SMG5: variants seen among roughly 807,000 people sequenced by gnomAD.
SMG5 encodes nonsense-mediated mRNA decay factor SMG5.
A neutral mutation model predicts 122.9 loss-of-function variants in SMG5; 53 were observed. That is an observed-to-expected ratio of 0.43 (90% CI 0.35 to 0.54). The LOEUF (loss-of-function observed/expected upper bound fraction) is 0.54. Among genes scored for constraint, SMG5 ranks in the 20% least tolerant of loss-of-function variants. The probability of loss-of-function intolerance (pLI) is 0.01; values close to 1 mark genes in which losing one functional copy is unlikely to be tolerated. For missense variants in SMG5, 1,153 were observed against 1,285.6 expected (o/e 0.90, Z 1.58); for synonymous variants, 477 against 490.2 (o/e 0.97, Z 0.35).
intron 16 of SMG5, among the ~76,000 whole-genome samples, chr1:156,255,065 T>G (rs1156406120): frequency 6.6e-6 from 1 of 151,464 alleles, no homozygotes; most frequent in Admixed American, 6.6e-5. Context: ...TACTACAGCC[T>G]GGGTGACAGA....
rs543669678 is a variant in SMG5 at position 156,250,988 on chromosome 1, T to C, written c.2837A>G (p.Tyr946Cys). The change falls in exon 21 of 22, where the codon TAT becomes TGT. Residue 946 changes from tyrosine to cysteine, a missense_variant. Tyr to Cys is a radical substitution (Grantham distance 194, BLOSUM62 -2). Around this residue, in one of 5 missense-constraint regions of SMG5, gnomAD observed 140 missense variants for 227.8 expected, o/e 0.61. Coordinates refer to ENST00000361813, the MANE Select transcript of SMG5 (RefSeq NM_015327.3). The part of the protein sequence containing the change: ...KRQDADAWTL[Y>C]KILDSCKQLT... ...CTGTTTGCAGCTGTCTAGGATCTTA[T>C]AGAGAGTCCTGGGGATGGGGGGCAG... 6.4e-5 allele frequency: 104 copies of C among 1,613,768 alleles called. 1 individual carries two copies. The South Asian group carries it at 8.2e-4, about 13-fold the overall frequency.
upstream of SMG5, chr1:156,285,678 C>T (rs202205822): frequency 5.6e-5 from 90 of 1,613,666 alleles, no homozygotes; most frequent in Middle Eastern, 8.2e-4. Context: ...CGCTGTGAGG[C>T]AGGCGAGGGC....
chr1:156,281,352 T>C (rs966177384), intron 1 of SMG5, among the ~76,000 whole-genome samples: 1 of 152,170 alleles, frequency 6.6e-6, no homozygotes, highest in Non-Finnish European at 1.5e-5. Context: ...ACAAGGAATA[T>C]TGCAGACACT....
At chr1:156,252,156 G>A (rs1298663722) in intron 19 of SMG5, among the ~76,000 whole-genome samples, 1 of 152,206 alleles carries the variant, frequency 6.6e-6, no homozygotes, top group East Asian at 1.9e-4. Context: ...CTGATCACAG[G>A]CTTGCCCCAG....
the SMG5 span, among the ~76,000 whole-genome samples, chr1:156,289,844 T>C: frequency 6.6e-6 from 1 of 152,224 alleles, no homozygotes; most frequent in Non-Finnish European, 1.5e-5. Flanking sequence ...GTATTGAACA[T>C]ATCTTCCACG....
chr1:156,290,764 G>C, the SMG5 span: 1 of 151,594 alleles, frequency 6.6e-6, no homozygotes, highest in Admixed American at 6.6e-5. Context: ...GGGAGGCGGA[G>C]GTTGCAGTGA....
chr1:156,259,078 A>C lies in SMG5; in HGVS notation c.2369T>G (p.Val790Gly). 1.2e-6 allele frequency: 2 copies of C among 1,612,572 alleles called. No homozygotes were observed. Among genetic ancestry groups the C allele is most frequent in the Non-Finnish European group, 1.7e-6 (2 of 1,179,440 alleles). The change falls in exon 16 of 22, where the codon GTT (valine) becomes GGT (glycine). Residue 790 changes from valine (V) to glycine (G), a missense_variant. Val to Gly is a moderately radical substitution (Grantham distance 109). Transcript: ENST00000361813. ...CTGGGCAATGCTGACGAAGATGCCA[A>C]CCTCTGGGTTGAACTGCAGGATGCT... is the stretch of plus-strand genomic sequence containing the variant. ...QGSILQFNPEVGIFVSIAQSE... is the reference protein window; with the variant it reads ...QGSILQFNPEGGIFVSIAQSE...
Position 156,260,518 on chromosome 1 carries a change from G to C in SMG5, c.2216C>G (p.Pro739Arg), listed in dbSNP as rs143050262. The change falls in exon 15 of 22, where the codon CCG (proline) becomes CGG (arginine). Residue 739 changes from proline (P) to arginine (R), a missense_variant. Pro to Arg is a moderately radical substitution (Grantham distance 103, BLOSUM62 -2). This residue lies in a region of SMG5 where 631 missense variants were observed against 650.6 expected (regional missense o/e 0.97). Coordinates refer to ENST00000361813, the MANE Select transcript of SMG5 (RefSeq NM_015327.3). ...PEDMALRNLP[P>R]LRAAHRRFNF... ...AAAGCGTCTGTGGGCAGCTCGGAGCGGGGGCAGGTTACGAAGAGCCATGTC... is the reference window on the plus strand; with the variant it reads ...AAAGCGTCTGTGGGCAGCTCGGAGCCGGGGCAGGTTACGAAGAGCCATGTC... 11 of 1,587,962 alleles carry C rather than the reference G, an allele frequency of 6.9e-6. No homozygotes were observed. Among genetic ancestry groups the C allele is most frequent in the African/African-American group, 1.4e-5 (1 of 72,748 alleles).
intron 16 of SMG5, among the ~76,000 whole-genome samples, chr1:156,255,335 T>C (rs1416263441): frequency 6.7e-6 from 1 of 149,476 alleles, no homozygotes; most frequent in African/African-American, 2.5e-5. Flanking sequence ...GGTCAGGAGT[T>C]CGAGACCAGC....
At chr1:156,257,959 G>A (rs541831348) in intron 16 of SMG5, among the ~76,000 whole-genome samples, 3 of 152,220 alleles carry the variant, frequency 2.0e-5, no homozygotes, top group Non-Finnish European at 2.9e-5. Flanking sequence ...GCCCAAGGCT[G>A]TGCAGGCCCC....
upstream of SMG5, chr1:156,285,912 T>G: frequency 6.2e-7 from 1 of 1,605,280 alleles, no homozygotes; most frequent in Non-Finnish European, 8.5e-7. Context: ...GTCCCACGGC[T>G]GCCCACCATG....
the SMG5 span, among the ~76,000 whole-genome samples, chr1:156,288,330 C>CT: frequency 6.7e-6 from 1 of 148,368 alleles, no homozygotes; most frequent in African/African-American, 2.5e-5. Flanking sequence ...GCTCTTGTTA[C>CT]TTTTTTTTTC....
chr1:156,268,973 CTTT>C (rs59194923), intron 7 of SMG5, among the ~76,000 whole-genome samples: 3 of 144,068 alleles, frequency 2.1e-5, no homozygotes, highest in African/African-American at 2.6e-5. Context: ...CAATCCAACT[CTTT>C]TTTTTTTTTT....
At chr1:156,270,448 GA>G (rs1662358084) in intron 7 of SMG5, among the ~76,000 whole-genome samples, 1 of 152,312 alleles carries the variant, frequency 6.6e-6, no homozygotes, top group South Asian at 2.1e-4. Context: ...TAGACCTTCC[GA>G]TCAGCTGAAT....
At chr1:156,290,374 A>C in the SMG5 span, 2 of 151,960 alleles carry the variant, frequency 1.3e-5, no homozygotes, top group Non-Finnish European at 2.9e-5. Flanking sequence ...TAAGAAAAAA[A>C]TAAAAGAAAA....
intron 18 of SMG5, 70 bp downstream of exon 18, chr1:156,252,849 G>A: frequency 7.0e-7 from 1 of 1,433,408 alleles, no homozygotes; most frequent in East Asian, 2.5e-5. Context: ...CCCCAAATAA[G>A]GTCTCTTAAT....
chr1:156,270,868 G>A (rs1258323906), intron 7 of SMG5, among the ~76,000 whole-genome samples: 3 of 152,064 alleles, frequency 2.0e-5, no homozygotes, highest in Non-Finnish European at 2.9e-5. Context: ...TTAGCCAGGC[G>A]TTGTGGTGCA....
At chr1:156,269,388 G>T (rs1662297663) in intron 7 of SMG5, among the ~76,000 whole-genome samples, 2 of 152,128 alleles carry the variant, frequency 1.3e-5, no homozygotes, top group South Asian at 4.1e-4. Context: ...GATTACAAGT[G>T]TGAGACACTA....
At chr1:156,288,991 G>T in the SMG5 span, among the ~76,000 whole-genome samples, 2 of 152,220 alleles carry the variant, frequency 1.3e-5, no homozygotes, top group Non-Finnish European at 2.9e-5. Flanking sequence ...ATTAGGGGAA[G>T]AGAGTTGCTC....
Sources: gnomAD v4.1 joint callset for allele counts (sites outside exome capture counted in the v4.1 genomes callset) on GRCh38, gnomAD v4.1.1 for gene constraint, gnomAD v4.1.1 regional missense constraint, MANE v1.5 for transcripts, NCBI Gene and HGNC (gene_info 2026-07-23, HGNC 2026-07-21) for gene names.